LOC128462377: variants seen among roughly 807,000 people sequenced by gnomAD.
At chr16:89,410,506 G>A in the LOC128462377 span, among the ~76,000 whole-genome samples, 1 of 152,128 alleles carries the variant, frequency 6.6e-6, no homozygotes, top group Non-Finnish European at 1.5e-5. Context: ...ACCACGCAGA[G>A]CCACGGAAGG....
the LOC128462377 span, among the ~76,000 whole-genome samples, chr16:89,344,660 G>A: frequency 1.5e-4 from 23 of 152,308 alleles, 1 homozygote; most frequent in African/African-American, 5.3e-4. Context: ...AGAAATGAGG[G>A]CACCCTCATG....
chr16:89,320,102 G>C, the LOC128462377 span: 4 of 152,506 alleles, frequency 2.6e-5, no homozygotes, highest in African/African-American at 9.6e-5. Flanking sequence ...ACTCATGGGT[G>C]TTGTCTGAGG....
At chr16:89,402,734 G>T in the LOC128462377 span, among the ~76,000 whole-genome samples, 2 of 147,332 alleles carry the variant, frequency 1.4e-5, no homozygotes, top group Non-Finnish European at 3.0e-5. Context: ...GGGCTCTGTG[G>T]GGTGAGATAG....
the LOC128462377 span, chr16:89,392,347 C>T: frequency 6.6e-6 from 1 of 152,304 alleles, no homozygotes; most frequent in Non-Finnish European, 1.5e-5. Context: ...ATGGCCCATT[C>T]CTGAAGGATC....
chr16:89,325,435 C>T, the LOC128462377 span, among the ~76,000 whole-genome samples: 10 of 135,636 alleles, frequency 7.4e-5, no homozygotes, highest in African/African-American at 2.9e-4. Context: ...CAGACCCTCT[C>T]CCCTCTCCCC....
chr16:89,384,462 G>C, the LOC128462377 span, among the ~76,000 whole-genome samples: 1 of 152,062 alleles, frequency 6.6e-6, no homozygotes, highest in Non-Finnish European at 1.5e-5. Context: ...GGGATGAAAT[G>C]GGACAGGACA....
chr16:89,391,952 G>T, the LOC128462377 span, among the ~76,000 whole-genome samples: 1 of 152,212 alleles, frequency 6.6e-6, no homozygotes, highest in Non-Finnish European at 1.5e-5. Flanking sequence ...CAAGCATTAG[G>T]TCACGGCCTG....
chr16:89,357,867 C>G, the LOC128462377 span, among the ~76,000 whole-genome samples: 52 of 152,350 alleles, frequency 3.4e-4, no homozygotes, highest in African/African-American at 1.0e-3. Flanking sequence ...CTGGCTGCCC[C>G]TTTCTGGGGA....
chr16:89,360,971 C>G, the LOC128462377 span, among the ~76,000 whole-genome samples: 1 of 152,158 alleles, frequency 6.6e-6, no homozygotes, highest in Non-Finnish European at 1.5e-5. Flanking sequence ...GTGAGAGGCT[C>G]CTTGTCTCTC....
At chr16:89,391,998 T>C in the LOC128462377 span, among the ~76,000 whole-genome samples, 2 of 152,238 alleles carry the variant, frequency 1.3e-5, no homozygotes, top group East Asian at 3.8e-4. Context: ...TTTACCTTTC[T>C]CAGCATTCCA....
chr16:89,381,041 G>A, the LOC128462377 span, among the ~76,000 whole-genome samples: 2 of 152,296 alleles, frequency 1.3e-5, no homozygotes, highest in South Asian at 2.1e-4. Flanking sequence ...TGAGAAGGGC[G>A]GCTGGGCGAG....
At chr16:89,352,313 G>A in the LOC128462377 span, among the ~76,000 whole-genome samples, 9 of 151,922 alleles carry the variant, frequency 5.9e-5, no homozygotes, top group Non-Finnish European at 1.2e-4. Context: ...ACGCGGTGCA[G>A]AGCCCTGGGG....
chr16:89,326,729 A>G, the LOC128462377 span, among the ~76,000 whole-genome samples: 1 of 152,160 alleles, frequency 6.6e-6, no homozygotes, highest in Admixed American at 6.5e-5. Flanking sequence ...GTGACAGAGC[A>G]AGACCCTGTG....
chr16:89,382,113 C>T, the LOC128462377 span, among the ~76,000 whole-genome samples: 3 of 152,158 alleles, frequency 2.0e-5, no homozygotes, highest in African/African-American at 4.8e-5. Flanking sequence ...GAGGGGGACG[C>T]GGCCTCCCAG....
At chr16:89,383,388 A>T in the LOC128462377 span, among the ~76,000 whole-genome samples, 3 of 152,238 alleles carry the variant, frequency 2.0e-5, no homozygotes, top group African/African-American at 4.8e-5. Flanking sequence ...CAAGACGAGG[A>T]GATCTGTGCC....
the LOC128462377 span, among the ~76,000 whole-genome samples, chr16:89,365,018 G>A: frequency 6.6e-6 from 1 of 152,200 alleles, no homozygotes; most frequent in East Asian, 1.9e-4. Context: ...GCTTTCTGGA[G>A]GATGCTATGA....
chr16:89,399,095 G>T, the LOC128462377 span, among the ~76,000 whole-genome samples: 2 of 152,290 alleles, frequency 1.3e-5, no homozygotes, highest in Non-Finnish European at 2.9e-5. Flanking sequence ...CCTGAACACT[G>T]ACCTCCTGTC....
the LOC128462377 span, among the ~76,000 whole-genome samples, chr16:89,391,551 G>A: frequency 6.6e-6 from 1 of 152,208 alleles, no homozygotes; most frequent in African/African-American, 2.4e-5. Context: ...GCTGTGGCAT[G>A]AGAGCAAAGG....
At chr16:89,321,658 A>AT in the LOC128462377 span, among the ~76,000 whole-genome samples, 1 of 152,166 alleles carries the variant, frequency 6.6e-6, no homozygotes, top group Non-Finnish European at 1.5e-5. Context: ...GAAGGACCGT[A>AT]TAAGAAAAAA....
Sources: allele counts gnomAD v4.1 joint callset (sites outside exome capture counted in the v4.1 genomes callset), GRCh38; gene constraint gnomAD v4.1.1; transcripts MANE v1.5.